XYLT1: variants seen among roughly 807,000 people sequenced by gnomAD.
The protein encoded by XYLT1 is beta-D-xylosyltransferase 1.
In XYLT1, 36 loss-of-function variants were observed where a neutral mutation model predicts 91.3. The observed-to-expected ratio is 0.39, with a 90% CI of 0.30 to 0.52. XYLT1 has a LOEUF of 0.52. Ranked by LOEUF, XYLT1 falls within the 20% of genes least tolerant of loss-of-function variation. XYLT1 has a pLI of 0.68. For missense variants in XYLT1, 1,242 were observed against 1,284.5 expected (o/e 0.97, Z 0.51); for synonymous variants, 588 against 532.0 (o/e 1.11, Z -1.45).
intron 5 of XYLT1, among the ~76,000 whole-genome samples, chr16:17,197,192 T>C (rs866808452): frequency 6.6e-6 from 1 of 151,816 alleles, no homozygotes; most frequent in Non-Finnish European, 1.5e-5. Flanking sequence ...CTGTTACAGC[T>C]CCACTGAACC....
chr16:17,244,129 G>A (rs569604378), intron 3 of XYLT1, among the ~76,000 whole-genome samples: 5 of 152,236 alleles, frequency 3.3e-5, no homozygotes, highest in Admixed American at 6.5e-5. Flanking sequence ...ATCAGGGAAA[G>A]GGCAGAACTA....
At chr16:17,291,796 G>A (rs2034231112) in intron 2 of XYLT1, among the ~76,000 whole-genome samples, 1 of 152,140 alleles carries the variant, frequency 6.6e-6, no homozygotes, top group African/African-American at 2.4e-5. Context: ...TTCCAAAAAG[G>A]CTTAAACAAA....
chr16:17,340,375 GCT>G (rs1289963835), intron 2 of XYLT1, among the ~76,000 whole-genome samples: 4 of 152,248 alleles, frequency 2.6e-5, no homozygotes, highest in African/African-American at 7.2e-5. Context: ...TGAACACAGA[GCT>G]CTGTCTCCAG....
intron 2 of XYLT1, among the ~76,000 whole-genome samples, chr16:17,356,624 G>A (rs553925500): frequency 4.6e-5 from 7 of 152,194 alleles, no homozygotes; most frequent in South Asian, 2.1e-4. Context: ...AAAGGCCAGG[G>A]GAGCAGGTGG....
intron 2 of XYLT1, among the ~76,000 whole-genome samples, chr16:17,305,155 A>G (rs2034452475): frequency 6.6e-6 from 1 of 152,186 alleles, no homozygotes; most frequent in South Asian, 2.1e-4. Flanking sequence ...CTGCAAAGCC[A>G]TCCCAGTTCC....
chr16:17,318,628 C>A (rs78156897), intron 2 of XYLT1, among the ~76,000 whole-genome samples: 1 of 152,142 alleles, frequency 6.6e-6, no homozygotes, highest in African/African-American at 2.4e-5. Context: ...TACTGGAATT[C>A]AGAACCTGGT....
At chr16:17,461,325 G>C (rs960200481) in intron 1 of XYLT1, among the ~76,000 whole-genome samples, 4 of 152,242 alleles carry the variant, frequency 2.6e-5, no homozygotes, top group Non-Finnish European at 5.9e-5. Flanking sequence ...CCATGGGAAA[G>C]GGTATAGGCA....
chr16:17,412,801 T>C (rs1391602283), intron 1 of XYLT1, among the ~76,000 whole-genome samples: 2 of 152,074 alleles, frequency 1.3e-5, no homozygotes, highest in African/African-American at 4.8e-5. Flanking sequence ...AATAAGGGTG[T>C]ATCTACAGTT....
At chr16:17,148,397 C>A (rs2031193041) in intron 6 of XYLT1, among the ~76,000 whole-genome samples, 1 of 152,200 alleles carries the variant, frequency 6.6e-6, no homozygotes, top group Non-Finnish European at 1.5e-5. Flanking sequence ...TTGTCTATTT[C>A]CACTCACTAG....
rs576409523 is a variant in XYLT1, at chr16:17,449,113, G to A, written c.363+21321C>T. Among the ~76,000 whole-genome samples the A allele has an allele frequency of 1.9e-4, 29 of 152,294 alleles. No individual in the cohort carries two copies. The East Asian group carries it at 4.6e-3, about 24-fold the overall frequency. On this transcript the variant is annotated intron_variant, in intron 1 of 11. Coordinates refer to ENST00000261381, the MANE Select transcript of XYLT1 (RefSeq NM_022166.4). Reference sequence around the variant, plus strand: ...ATGCCATGCCTGGTCTCACCCACACGCCCAAGGAAGTTCCTCTGAACCCAC... The same window carrying A: ...ATGCCATGCCTGGTCTCACCCACACACCCAAGGAAGTTCCTCTGAACCCAC...
At chr16:17,344,512 T>G (rs1346034844) in intron 2 of XYLT1, among the ~76,000 whole-genome samples, 1 of 143,740 alleles carries the variant, frequency 7.0e-6, no homozygotes. Context: ...AAAAAAAGAA[T>G]AATCCTGTCC....
At chr16:17,395,935 T>C (rs181669547) in intron 1 of XYLT1, among the ~76,000 whole-genome samples, 207 of 152,276 alleles carry the variant, frequency 1.4e-3, no homozygotes, top group African/African-American at 4.9e-3. Context: ...GCTGTGATGT[T>C]TCACAAGGCG....
chr16:17,405,960 G>A (rs2036028272), intron 1 of XYLT1, among the ~76,000 whole-genome samples: 1 of 152,190 alleles, frequency 6.6e-6, no homozygotes, highest in African/African-American at 2.4e-5. Flanking sequence ...TGAGGTGGGT[G>A]GATCACTTGA....
chr16:17,362,375 A>G (rs913873409), intron 1 of XYLT1, among the ~76,000 whole-genome samples: 1 of 152,216 alleles, frequency 6.6e-6, no homozygotes, highest in Non-Finnish European at 1.5e-5. Flanking sequence ...AGCTAAATCA[A>G]TCCACACGTG....
intron 1 of XYLT1, among the ~76,000 whole-genome samples, chr16:17,442,397 C>T (rs565146609): frequency 1.4e-4 from 21 of 152,250 alleles, no homozygotes; most frequent in African/African-American, 4.8e-4. Context: ...CCCACCTACC[C>T]CCCACCTCCA....
intron 11 of XYLT1, among the ~76,000 whole-genome samples, chr16:17,113,102 G>A (rs1966845555): frequency 1.3e-5 from 2 of 151,842 alleles, no homozygotes; most frequent in Non-Finnish European, 2.9e-5. Context: ...GCCTCCCAAA[G>A]TGCTGGGATT....
chr16:17,404,007 C>G (rs997419379), intron 1 of XYLT1, among the ~76,000 whole-genome samples: 2 of 152,184 alleles, frequency 1.3e-5, no homozygotes, highest in African/African-American at 4.8e-5. Flanking sequence ...AGACCACAGC[C>G]ACAGAGAATT....
At chr16:17,185,004 G>A (rs1431220608) in intron 5 of XYLT1, among the ~76,000 whole-genome samples, 1 of 152,166 alleles carries the variant, frequency 6.6e-6, no homozygotes, top group Non-Finnish European at 1.5e-5. Flanking sequence ...TTCCCAGAAG[G>A]TCCTAAGCCC....
intron 5 of XYLT1, among the ~76,000 whole-genome samples, chr16:17,159,712 A>G (rs928970173): frequency 2.0e-5 from 3 of 152,264 alleles, no homozygotes; most frequent in African/African-American, 4.8e-5. Context: ...ATGAAGTCCA[A>G]TACAAACGAG....
Sources: gnomAD v4.1 joint callset for allele counts (sites outside exome capture counted in the v4.1 genomes callset) on GRCh38, gnomAD v4.1.1 for gene constraint, MANE v1.5 for transcripts, NCBI Gene and HGNC (gene_info 2026-07-23, HGNC 2026-07-21) for gene names.